The following RPS6KC1 variants were observed in gnomAD, a reference collection of about 807,000 sequenced individuals.
RPS6KC1 encodes the protein ribosomal protein S6 kinase C1.
A neutral mutation model predicts 103.8 loss-of-function variants in RPS6KC1; 54 were observed. The observed-to-expected ratio is 0.52, with a 90% CI of 0.42 to 0.65. The LOEUF (loss-of-function observed/expected upper bound fraction) is 0.65, where lower values mean the gene tolerates loss of function less well. Ranked by LOEUF, RPS6KC1 falls within the 30% of genes least tolerant of loss-of-function variation. The pLI, the probability that RPS6KC1 is intolerant of heterozygous loss-of-function variation, is 0.00. For missense variants in RPS6KC1, 1,151 were observed against 1,253.8 expected, an observed-to-expected ratio of 0.92 and a Z score of 1.24; for synonymous variants, 439 against 438.7, an observed-to-expected ratio of 1.00 and a Z score of -0.01.
chr1:213,092,098 G>A (rs1010870790), intron 3 of RPS6KC1, among the ~76,000 whole-genome samples: 1 of 151,970 alleles, frequency 6.6e-6, no homozygotes, highest in Non-Finnish European at 1.5e-5. Flanking sequence ...TAGATCATCA[G>A]TGCAAATGTT....
intron 3 of RPS6KC1, among the ~76,000 whole-genome samples, chr1:213,097,133 A>G (rs1348394691): frequency 6.6e-6 from 1 of 152,146 alleles, no homozygotes; most frequent in African/African-American, 2.4e-5. Context: ...AGGCGGGTGG[A>G]TCACGAGGTC....
At chr1:213,623,743 A>G in the RPS6KC1 span, among the ~76,000 whole-genome samples, 1 of 152,214 alleles carries the variant, frequency 6.6e-6, no homozygotes, top group African/African-American at 2.4e-5. Flanking sequence ...TATAGGTTTT[A>G]GAGGTCTACC....
chr1:213,739,606 G>T, the RPS6KC1 span, among the ~76,000 whole-genome samples: 1 of 151,848 alleles, frequency 6.6e-6, no homozygotes, highest in African/African-American at 2.4e-5. Context: ...GTGAAATTTT[G>T]GAACATTAAG....
chr1:213,181,114 A>T (rs1269684726), intron 8 of RPS6KC1, among the ~76,000 whole-genome samples: 1 of 152,200 alleles, frequency 6.6e-6, no homozygotes, highest in Non-Finnish European at 1.5e-5. Context: ...AACATTGATG[A>T]CTTGAAACCC....
the RPS6KC1 span, among the ~76,000 whole-genome samples, chr1:213,780,600 G>A: frequency 5.3e-5 from 8 of 152,194 alleles, no homozygotes; most frequent in Admixed American, 5.2e-4. Context: ...TTTGAATCCA[G>A]TCCTTTCCTT....
At position 213,241,410 on chromosome 1, in the gene RPS6KC1, T is replaced by C. The variant is rs2094349452; in HGVS notation, c.1934T>C (p.Phe645Ser). The change falls in exon 11 of 15, where the codon TTT becomes TCT. Residue 645 changes from phenylalanine (F) to serine (S), a missense_variant. Physicochemically the swap from Phe to Ser is radical, Grantham distance 155. This residue lies in a region of RPS6KC1 where 959 missense variants were observed against 1,006.3 expected (regional missense o/e 0.95). Transcript: ENST00000366960. The part of the protein sequence containing the change: ...LPDGDSASRS[F>S]NTSESKVEFK... ...GATGGAGACAGTGCTTCTAGGAGTT[T>C]TAATACTAGTGAAAGCAAGGTAGAG... 3 of 1,613,942 alleles carry C rather than the reference T, an allele frequency of 1.9e-6. No homozygotes were observed. The highest frequency in any genetic ancestry group is 2.5e-6 in the Non-Finnish European group (3 of 1,179,952).
the RPS6KC1 span, among the ~76,000 whole-genome samples, chr1:213,825,142 T>C: frequency 6.6e-6 from 1 of 152,226 alleles, no homozygotes; most frequent in South Asian, 2.1e-4. Flanking sequence ...CCCTGACTTA[T>C]AGTTAAGGCT....
chr1:213,761,579 C>T, the RPS6KC1 span, among the ~76,000 whole-genome samples: 1 of 152,226 alleles, frequency 6.6e-6, no homozygotes, highest in African/African-American at 2.4e-5. Flanking sequence ...GCACTGTCCA[C>T]ACACTTTCCA....
chr1:213,333,964 G>A, the RPS6KC1 span, among the ~76,000 whole-genome samples: 1 of 152,208 alleles, frequency 6.6e-6, no homozygotes, highest in Non-Finnish European at 1.5e-5. Context: ...TTATAGGCGT[G>A]AGCCACTGAG....
At chr1:213,566,437 G>GTTTTTTTTTTTTTTTTTTT in the RPS6KC1 span, among the ~76,000 whole-genome samples, 9 of 48,522 alleles carry the variant, frequency 1.9e-4, no homozygotes, top group Admixed American at 2.8e-4. Context: ...TCAGCCTTTA[G>GTTTTTTTTTTTTTTTTTTT]TTTTTTTTTT....
At chr1:213,517,161 A>G in the RPS6KC1 span, among the ~76,000 whole-genome samples, 1 of 149,852 alleles carries the variant, frequency 6.7e-6, no homozygotes, top group African/African-American at 2.4e-5. Context: ...AATTTTGCTG[A>G]TCTTTTCAAA....
chr1:213,345,581 G>A, the RPS6KC1 span, among the ~76,000 whole-genome samples: 1 of 152,226 alleles, frequency 6.6e-6, no homozygotes, highest in African/African-American at 2.4e-5. Flanking sequence ...TTAGAAGCTA[G>A]GCTTCGGTAT....
At chr1:213,383,499 A>G in the RPS6KC1 span, among the ~76,000 whole-genome samples, 1 of 152,214 alleles carries the variant, frequency 6.6e-6, no homozygotes, top group African/African-American at 2.4e-5. Flanking sequence ...AGAATTTCAT[A>G]TCCGCATCTG....
the RPS6KC1 span, among the ~76,000 whole-genome samples, chr1:213,411,484 G>C: frequency 6.6e-6 from 1 of 152,230 alleles, no homozygotes; most frequent in Non-Finnish European, 1.5e-5. Context: ...GGTGGAGCGG[G>C]TGTTGTAGCT....
At chr1:213,257,220 T>G (rs12144379) in intron 12 of RPS6KC1, among the ~76,000 whole-genome samples, 68,479 of 152,030 alleles carry the variant, frequency 0.45, 19,210 homozygotes, top group Non-Finnish European at 0.62. Flanking sequence ...AAAACAAACA[T>G]AACATGTAGC....
chr1:213,343,882 A>G, the RPS6KC1 span, among the ~76,000 whole-genome samples: 2 of 152,172 alleles, frequency 1.3e-5, no homozygotes, highest in Non-Finnish European at 2.9e-5. Flanking sequence ...TTGCCACTCC[A>G]TTCTCCTCAC....
intron 8 of RPS6KC1, among the ~76,000 whole-genome samples, chr1:213,183,309 C>A (rs1365039885): frequency 6.6e-6 from 1 of 152,050 alleles, no homozygotes; most frequent in Non-Finnish European, 1.5e-5. Flanking sequence ...CATCAACCAA[C>A]AAAATGTAAC....
chr1:213,055,346 C>T (rs1214410507), intron 1 of RPS6KC1, among the ~76,000 whole-genome samples: 4 of 151,620 alleles, frequency 2.6e-5, no homozygotes, highest in Non-Finnish European at 5.9e-5. Flanking sequence ...GGTCTGGCTT[C>T]TTCCACTCAG....
At chr1:213,413,065 T>C in the RPS6KC1 span, among the ~76,000 whole-genome samples, 1 of 152,268 alleles carries the variant, frequency 6.6e-6, no homozygotes, top group Non-Finnish European at 1.5e-5. Flanking sequence ...GTTTGCTCTG[T>C]AAATGTTCAT....
Sources: gnomAD v4.1 joint callset for allele counts (sites outside exome capture counted in the v4.1 genomes callset) on GRCh38, gnomAD v4.1.1 for gene constraint, gnomAD v4.1.1 regional missense constraint, MANE v1.5 for transcripts, NCBI Gene and HGNC (gene_info 2026-07-23, HGNC 2026-07-21) for gene names.